Variants in C10orf53 observed in about 807,000 individuals in gnomAD.
The protein encoded by C10orf53 is chromosome 10 open reading frame 53, also known as UPF0728 protein C10orf53.
Under a neutral mutation model 9.4 loss-of-function variants are expected in C10orf53, and 8 were observed. The observed-to-expected ratio is 0.85, with a 90% CI of 0.50 to 1.53. The LOEUF (loss-of-function observed/expected upper bound fraction) is 1.53. C10orf53 is among the 40% of genes most tolerant of loss of function. The pLI is 0.00. For synonymous variants in C10orf53, 48 were observed against 46.0 expected (o/e 1.04, Z -0.18); for missense variants, 117 against 117.8 (o/e 0.99, Z 0.03).
chr10:49,702,881 G>A (rs915981029), intron 2 of C10orf53, among the ~76,000 whole-genome samples: 4 of 152,176 alleles, frequency 2.6e-5, no homozygotes, highest in African/African-American at 9.7e-5. Flanking sequence ...AGCATGGAGT[G>A]TTCTGGTCCA....
intron 1 of C10orf53, among the ~76,000 whole-genome samples, chr10:49,691,565 T>C (rs1840584365): frequency 6.6e-6 from 1 of 152,092 alleles, no homozygotes; most frequent in African/African-American, 2.4e-5. Context: ...CTTAAGAGGG[T>C]TTCTTCCTGT....
At chr10:49,689,924 T>C (rs2132879553) in intron 1 of C10orf53, among the ~76,000 whole-genome samples, 1 of 152,300 alleles carries the variant, frequency 6.6e-6, no homozygotes, top group African/African-American at 2.4e-5. Flanking sequence ...AAAAAACATA[T>C]TTGTTTTTAC....
At chr10:49,701,447 G>T (rs1160774765), downstream of C10orf53, among the ~76,000 whole-genome samples, 3 of 152,082 alleles carry the variant, frequency 2.0e-5, no homozygotes, top group Non-Finnish European at 2.9e-5. Context: ...TTTCTGAGTT[G>T]CTATAACTAT....
At position 49,703,583 on chromosome 10, in the gene C10orf53, C is replaced by T. The variant is rs184401149; in HGVS notation, c.218-4778C>T. ...CATACTGGCACAAGGTAGGTGCTCA[C>T]GGAGTGCCTGCTACATGCAGTGAAG... On this transcript the variant is annotated intron_variant, in intron 2 of 2. Transcript: ENST00000374112. Among the ~76,000 whole-genome samples, 75 of 152,304 alleles carry T rather than the reference C, an allele frequency of 4.9e-4. 1 individual carries two copies. Among genetic ancestry groups the T allele is most frequent in the Admixed American group, 3.3e-3 (50 of 15,300 alleles).
chr10:49,694,289 AGCAGT>A, intron 2 of C10orf53: 1 of 603,516 alleles, frequency 1.7e-6, no homozygotes, highest in East Asian at 2.8e-5. Flanking sequence ...TTGATATGCC[AGCAGT>A]GCATGACACT....
Position 49,695,058 on chromosome 10 carries a change from TA to T in C10orf53, c.*458del, listed in dbSNP as rs1477846941. 3.2e-6 allele frequency: 2 copies of T among 631,560 alleles called. No individual in the cohort carries two copies. The highest frequency in any genetic ancestry group is 6.3e-5 in the Admixed American group (1 of 15,856). The allele number at this position is 631,560 out of a possible 1,614,324, so 39.1% of individuals were successfully genotyped here. A position where few individuals can be genotyped will look rare whatever the true frequency, so the allele number is the denominator to read the frequency against. On this transcript the variant is annotated 3_prime_UTR_variant, in exon 3 of 3. Coordinates refer to ENST00000374111, the MANE Select transcript of C10orf53 (RefSeq NM_001042427.3). ...GAAAGTCTGAACCAAAAGCAAATGT[TA>T]ATATTTGGAAACCTTGCTATTCCTA...
At chr10:49,684,071 C>T (rs1258234616) in intron 1 of C10orf53, among the ~76,000 whole-genome samples, 2 of 152,066 alleles carry the variant, frequency 1.3e-5, no homozygotes, top group Admixed American at 6.5e-5. Flanking sequence ...TATGGATATC[C>T]AATTATCCCA....
chr10:49,686,659 A>G (rs1022513819), intron 1 of C10orf53, among the ~76,000 whole-genome samples: 27 of 152,204 alleles, frequency 1.8e-4, no homozygotes, highest in African/African-American at 6.3e-4. Flanking sequence ...TGAGATAAGG[A>G]CTGAAATACG....
chr10:49,708,781 A>ACCTCTCCAGCTAGATGT, exon 3 of C10orf53: 1 of 971,364 alleles, frequency 1.0e-6, no homozygotes, highest in Non-Finnish European at 1.5e-6. Flanking sequence ...CCTGTGGCAA[A>ACCTCTCCAGCTAGATGT]CCCAACGTGA....
At position 49,694,615 on chromosome 10, in the gene C10orf53, A is replaced by G. The variant is rs1840617115; in HGVS notation, c.*13A>G. On this transcript the variant is annotated 3_prime_UTR_variant, in exon 3 of 3. Transcript: ENST00000374111. ...GAATGCCTACTGATCTCCTCATGGA[A>G]CAGGCATCTCAAGTCGGCACAACAG... The G allele has an allele frequency of 1.2e-6, 2 of 1,614,098 alleles. No homozygotes were observed. Among genetic ancestry groups the G allele is most frequent in the Non-Finnish European group, 1.7e-6 (2 of 1,180,024 alleles).
chr10:49,708,340 C>G (rs778457393), intron 2 of C10orf53: 1 of 1,610,914 alleles, frequency 6.2e-7, no homozygotes, highest in East Asian at 2.2e-5. Flanking sequence ...CTGCTTTCTT[C>G]TCTGTTGTCT....
intron 1 of C10orf53, among the ~76,000 whole-genome samples, chr10:49,680,086 A>G (rs1462159815): frequency 6.6e-6 from 1 of 152,270 alleles, no homozygotes; most frequent in African/African-American, 2.4e-5. Flanking sequence ...CTGAGGATCA[A>G]GAATATTAAG....
intron 1 of C10orf53, among the ~76,000 whole-genome samples, chr10:49,690,304 G>T (rs907144583): frequency 1.3e-5 from 2 of 152,144 alleles, no homozygotes; most frequent in African/African-American, 4.8e-5. Context: ...AAGGGCCAGG[G>T]TGTTCACCGC....
chr10:49,693,970 A>G, intron 2 of C10orf53, 77 bp downstream of exon 2: 1 of 1,589,624 alleles, frequency 6.3e-7, no homozygotes, highest in Non-Finnish European at 8.6e-7. Context: ...TGAAATGATC[A>G]GTGTATCATG....
intron 1 of C10orf53, among the ~76,000 whole-genome samples, chr10:49,683,299 T>A (rs994758384): frequency 6.6e-6 from 1 of 152,238 alleles, no homozygotes; most frequent in African/African-American, 2.4e-5. Context: ...TCTTTTCATG[T>A]GCTTATTGGC....
intron 1 of C10orf53, among the ~76,000 whole-genome samples, chr10:49,692,175 C>G (rs2132881549): frequency 6.6e-6 from 1 of 152,302 alleles, no homozygotes; most frequent in Non-Finnish European, 1.5e-5. Flanking sequence ...TGAGTGCCTT[C>G]TTCAAAGACG....
At chr10:49,702,658 G>A (rs935496910) in intron 2 of C10orf53, among the ~76,000 whole-genome samples, 3 of 152,158 alleles carry the variant, frequency 2.0e-5, no homozygotes, top group Non-Finnish European at 4.4e-5. Context: ...TCAGCCAGCA[G>A]GTAGCAGGAC....
downstream of C10orf53, among the ~76,000 whole-genome samples, chr10:49,700,516 A>C (rs1418007122): frequency 6.6e-6 from 1 of 152,164 alleles, no homozygotes; most frequent in East Asian, 1.9e-4. Context: ...GGACAATAGA[A>C]AGGCTTGGAA....
In C10orf53 at chr10:49,704,974, A is replaced by G. The variant is rs1356725288; in HGVS notation, c.218-3387A>G. 4.6e-5 allele frequency among the ~76,000 whole-genome samples: 7 copies of G among 152,386 alleles called. No individual in the cohort carries two copies. The East Asian group carries it at 5.8e-4, about 13-fold the overall frequency. ...AAATCTATTCAAAAAATTTATGTGC[A>G]TACAAGGAAATGCTTGTAATAACAA... On this transcript the variant is annotated intron_variant, in intron 2 of 2. Transcript: ENST00000374112.
Sources: allele counts gnomAD v4.1 joint callset (sites outside exome capture counted in the v4.1 genomes callset), GRCh38; gene constraint gnomAD v4.1.1; transcripts MANE v1.5; gene names NCBI Gene and HGNC (gene_info 2026-07-23, HGNC 2026-07-21).